The following ABCC3 variants were observed in gnomAD, a reference collection of about 807,000 sequenced individuals.
ABCC3 encodes ATP binding cassette subfamily C member 3, also known as ATP-binding cassette sub-family C member 3.
Under a neutral mutation model 165.3 loss-of-function variants are expected in ABCC3, and 121 were observed. That is an observed-to-expected ratio of 0.73 (90% CI 0.63 to 0.85). ABCC3 has a LOEUF of 0.85. ABCC3 is among the 40% of genes least tolerant of loss of function. The pLI is 0.00. For synonymous variants in ABCC3, 733 were observed against 810.1 expected (o/e 0.90, Z 1.62); for missense variants, 1,869 against 1,964.1 (o/e 0.95, Z 0.92).
chr17:50,669,633 G>A lies in ABCC3; in HGVS notation c.2241+105G>A, dbSNP rs554194741. On this transcript the variant is annotated intron_variant, in intron 17 of 30. Coordinates refer to ENST00000285238, the MANE Select transcript of ABCC3 (RefSeq NM_003786.4). ...CCCTTCATTCACACATTGGTGTAAC[G>A]TTATGCCCAACTCTGTGCCAGGCAC... 102 of 1,239,548 alleles carry A rather than the reference G, an allele frequency of 8.2e-5. No individual in the cohort carries two copies. In the African/African-American group the frequency reaches 1.2e-3, roughly 15 times the overall value. The allele number at this position is 1,239,548 out of a possible 1,614,324, so 76.8% of individuals were successfully genotyped here.
At position 50,684,125 on chromosome 17, in the gene ABCC3, G is replaced by A. The variant is rs1967979199; in HGVS notation, c.4113+18G>A. On this transcript the variant is annotated intron_variant, in intron 28 of 30. Transcript: ENST00000285238. Reference sequence around the variant, plus strand: ...TCCCGCAGGTAGGAGCCTGGCATGGGCTGGCCACACTCACCAACGGCCCTG... The same window carrying A: ...TCCCGCAGGTAGGAGCCTGGCATGGACTGGCCACACTCACCAACGGCCCTG... 1 of 1,610,490 alleles carries A rather than the reference G, an allele frequency of 6.2e-7. No homozygotes were observed. The highest frequency in any genetic ancestry group is 8.5e-7 in the Non-Finnish European group (1 of 1,178,964).
intron 25 of ABCC3, 55 bp from the exon 26 acceptor site, chr17:50,679,743 C>G (rs940146331): frequency 6.0e-6 from 9 of 1,510,856 alleles, no homozygotes; most frequent in Non-Finnish European, 8.3e-6. Flanking sequence ...CCTCCCAAAG[C>G]CATTACGGTG....
chr17:50,671,939 C>A (rs988097133), intron 17 of ABCC3, among the ~76,000 whole-genome samples: 31 of 151,954 alleles, frequency 2.0e-4, no homozygotes, highest in African/African-American at 7.5e-4. Context: ...CCATGCTGGT[C>A]TTGAACTCCT....
intron 1 of ABCC3, among the ~76,000 whole-genome samples, chr17:50,642,897 G>A (rs576579897): frequency 6.8e-4 from 104 of 152,278 alleles, no homozygotes; most frequent in African/African-American, 2.3e-3. Flanking sequence ...TGCCTGTCCC[G>A]GCCACACACT....
chr17:50,660,965 G>A lies in ABCC3; in HGVS notation c.849G>A (p.Glu283=), dbSNP rs901349525. 6 of 1,613,144 alleles carry A rather than the reference G, an allele frequency of 3.7e-6. No individual in the cohort carries two copies. In the Admixed American group the frequency reaches 1.0e-4, roughly 27 times the overall value. ...SAAPGKNASG[E]DEVLLGARPR... The stretch of plus-strand genomic sequence containing the variant: ...CACCTGGGAAAAATGCCTCCGGCGA[G>A]GACGAGGTGCTGCTGGGTGCCCGGC... The change falls in exon 8 of 31, where the codon GAG becomes GAA. Residue 283 remains glutamate, a synonymous_variant. Coordinates refer to ENST00000285238, the MANE Select transcript of ABCC3 (RefSeq NM_003786.4).
chr17:50,655,899 C>T lies in ABCC3; in HGVS notation c.113C>T (p.Ala38Val). ...CCCTGCTTCCAGAACTCCCTGCTGG[C>T]CTGGGTGCCCTGCATCTACCTGTGG... is the stretch of plus-strand genomic sequence containing the variant. ...LTPCFQNSLLAWVPCIYLWVA... is the reference protein window; with the variant it reads ...LTPCFQNSLLVWVPCIYLWVA... Residue 38 changes from alanine (A) to valine (V), a missense_variant, in exon 2 of 31, where the codon GCC (alanine) becomes GTC (valine). By Grantham distance (64) the Ala-to-Val change is moderately conservative (BLOSUM62 0). Transcript: ENST00000285238. The T allele has an allele frequency of 6.2e-7, 1 of 1,613,964 alleles. No homozygotes were observed. The highest frequency in any genetic ancestry group is 8.5e-7 in the Non-Finnish European group (1 of 1,179,952).
At chr17:50,671,953 T>C (rs1201203827) in intron 17 of ABCC3, among the ~76,000 whole-genome samples, 4 of 151,886 alleles carry the variant, frequency 2.6e-5, no homozygotes, top group Non-Finnish European at 5.9e-5. Flanking sequence ...AACTCCTGAC[T>C]TCAAATGATC....
chr17:50,636,567 T>A (rs1216040881), intron 1 of ABCC3, among the ~76,000 whole-genome samples: 1 of 152,218 alleles, frequency 6.6e-6, no homozygotes, highest in Non-Finnish European at 1.5e-5. Context: ...ATGAGCACAC[T>A]TCCTTTCACT....
At chr17:50,661,704 G>A (rs983419202) in intron 8 of ABCC3, among the ~76,000 whole-genome samples, 6 of 152,182 alleles carry the variant, frequency 3.9e-5, no homozygotes, top group Admixed American at 1.3e-4. Context: ...AATGGTGCTC[G>A]ATACTAGGGA....
chr17:50,683,659 G>T lies in ABCC3; in HGVS notation c.3857G>T (p.Arg1286Leu), dbSNP rs572541933. 6.2e-7 allele frequency: 1 copy of T among 1,602,674 alleles called. No individual in the cohort carries two copies. The highest frequency in any genetic ancestry group is 8.5e-7 in the Non-Finnish European group (1 of 1,174,416). ...GSRPPEGWPP[R>L]GEVEFRNYSV... ...CGCCCTCCCGAAGGTTGGCCCCCAC[G>T]TGGGGAGGTGGAGTTCCGGAATTAT... Residue 1286 changes from arginine to leucine, a missense_variant, in exon 27 of 31, where the codon CGT becomes CTT. Transcript: ENST00000285238.
At chr17:50,648,340 C>T (rs1490075773) in intron 1 of ABCC3, among the ~76,000 whole-genome samples, 2 of 152,122 alleles carry the variant, frequency 1.3e-5, no homozygotes, top group Non-Finnish European at 2.9e-5. Flanking sequence ...AGGGGAAGAG[C>T]AGGGCTGAAA....
At position 50,666,909 on chromosome 17, in the gene ABCC3, G is replaced by A. The variant is rs529075450; in HGVS notation, c.1432-645G>A. 3.3e-5 allele frequency among the ~76,000 whole-genome samples: 5 copies of A among 152,346 alleles called. No individual in the cohort carries two copies. The South Asian group carries it at 1.0e-3, about 32-fold the overall frequency. ...AATGGTTATGGAACAAAAGGAAAGTGCAATGTGCTTTAGAAACCCAGGGAA... is the reference window on the plus strand; with the variant it reads ...AATGGTTATGGAACAAAAGGAAAGTACAATGTGCTTTAGAAACCCAGGGAA... On this transcript the variant is annotated intron_variant, in intron 11 of 30. Coordinates refer to ENST00000285238, the MANE Select transcript of ABCC3 (RefSeq NM_003786.4).
chr17:50,678,377 A>T (rs75737046), intron 25 of ABCC3, among the ~76,000 whole-genome samples, 158 bp downstream of exon 25: 5,829 of 152,164 alleles, frequency 0.038, 371 homozygotes, highest in African/African-American at 0.13. Flanking sequence ...GAAAAAAATC[A>T]TTGAGTTGAC....
At chr17:50,650,323 G>A (rs1025762744) in intron 1 of ABCC3, among the ~76,000 whole-genome samples, 1 of 151,960 alleles carries the variant, frequency 6.6e-6, no homozygotes, top group Admixed American at 6.6e-5. Context: ...GCCAGGCTGG[G>A]CTCGAACTCC....
At chr17:50,643,848 G>GC (rs1371435953) in intron 1 of ABCC3, among the ~76,000 whole-genome samples, 2 of 152,160 alleles carry the variant, frequency 1.3e-5, no homozygotes, top group Admixed American at 6.6e-5. Flanking sequence ...AGATGCCATG[G>GC]GGGGGGTCTT....
chr17:50,643,692 C>T (rs1055877134), intron 1 of ABCC3: 6 of 453,846 alleles, frequency 1.3e-5, no homozygotes, highest in African/African-American at 1.2e-4. Context: ...GTCACCCCTC[C>T]CTGGAGTGGT....
At chr17:50,688,186 A>G (rs1968058350) in intron 30 of ABCC3, among the ~76,000 whole-genome samples, 1 of 152,156 alleles carries the variant, frequency 6.6e-6, no homozygotes, top group East Asian at 1.9e-4. Flanking sequence ...CTGGGATTAC[A>G]GGCGTGAGCC....
intron 11 of ABCC3, among the ~76,000 whole-genome samples, chr17:50,665,821 A>C (rs957740045): frequency 6.6e-6 from 1 of 151,368 alleles, no homozygotes; most frequent in Non-Finnish European, 1.5e-5. Flanking sequence ...CATGTTGGCC[A>C]GGCTGGTCTC....
Position 50,634,897 on chromosome 17 carries a change from C to A in ABCC3, c.-40C>A. On this transcript the variant is annotated 5_prime_UTR_variant, in exon 1 of 31. Transcript: ENST00000285238. Reference sequence around the variant, plus strand: ...GCGCCCGCTCTGCCCGCCGCTGGGTCCGACCGCGCTCGCCTTCCTTGCAGC... The same window carrying A: ...GCGCCCGCTCTGCCCGCCGCTGGGTACGACCGCGCTCGCCTTCCTTGCAGC... 8.0e-7 allele frequency: 1 copy of A among 1,248,824 alleles called. No individual in the cohort carries two copies. The highest frequency in any genetic ancestry group is 1.0e-6 in the Non-Finnish European group (1 of 996,168). The allele number at this position is 1,248,824 out of a possible 1,614,324, so 77.4% of individuals were successfully genotyped here. A position where few individuals can be genotyped will look rare whatever the true frequency, so the allele number is the denominator to read the frequency against.
Sources: gnomAD v4.1 joint callset for allele counts (sites outside exome capture counted in the v4.1 genomes callset) on GRCh38, gnomAD v4.1.1 for gene constraint, MANE v1.5 for transcripts, NCBI Gene and HGNC (gene_info 2026-07-23, HGNC 2026-07-21) for gene names.